TAFA5: variants seen among roughly 807,000 people sequenced by gnomAD.
The protein encoded by TAFA5 is TAFA chemokine like family member 5.
In TAFA5, 6 loss-of-function variants were observed where a neutral mutation model predicts 15.3. The ratio of observed to expected loss-of-function variants is 0.39; its 90% CI spans 0.21 to 0.77. The LOEUF (loss-of-function observed/expected upper bound fraction) is 0.77, where lower values mean the gene tolerates loss of function less well. Ranked by LOEUF, TAFA5 falls within the 30% of genes least tolerant of loss-of-function variation. TAFA5 has a pLI of 0.41. For synonymous variants in TAFA5, 103 were observed against 80.7 expected, an observed-to-expected ratio of 1.28 and a Z score of -1.48; for missense variants, 161 against 193.1, an observed-to-expected ratio of 0.83 and a Z score of 0.98.
intron 1 of TAFA5, among the ~76,000 whole-genome samples, 174 bp from the exon 2 acceptor site, chr22:48,646,423 C>T (rs1409733528): frequency 2.6e-5 from 4 of 152,220 alleles, no homozygotes; most frequent in Non-Finnish European, 4.4e-5. Flanking sequence ...TTCCATCGAG[C>T]GCTCCTTGCT....
intron 2 of TAFA5, among the ~76,000 whole-genome samples, chr22:48,667,660 C>T (rs1330633188): frequency 6.6e-6 from 1 of 152,178 alleles, no homozygotes; most frequent in South Asian, 2.1e-4. Flanking sequence ...TCTGACTCCC[C>T]TGGCAAAAAT....
At chr22:48,545,922 G>C (rs1451439118) in intron 1 of TAFA5, among the ~76,000 whole-genome samples, 1 of 152,130 alleles carries the variant, frequency 6.6e-6, no homozygotes, top group East Asian at 1.9e-4. Context: ...AACTTGGCTG[G>C]GTTCTGCCAC....
intron 1 of TAFA5, among the ~76,000 whole-genome samples, chr22:48,532,593 CTA>C (rs1922011495): frequency 6.6e-6 from 1 of 152,320 alleles, no homozygotes; most frequent in East Asian, 1.9e-4. Flanking sequence ...GCTGCAGACA[CTA>C]TAGTCACGTC....
chr22:48,683,873 G>A (rs752626783), intron 2 of TAFA5, among the ~76,000 whole-genome samples: 1 of 152,118 alleles, frequency 6.6e-6, no homozygotes, highest in Non-Finnish European at 1.5e-5. Context: ...GCTTAAAAGT[G>A]TAGCCCCTCC....
At chr22:48,738,284 A>G (rs2147271791) in intron 3 of TAFA5, among the ~76,000 whole-genome samples, 1 of 152,332 alleles carries the variant, frequency 6.6e-6, no homozygotes, top group East Asian at 1.9e-4. Context: ...TATAGCTCTC[A>G]GCAGTGAAAC....
At chr22:48,643,325 G>A (rs1012012124) in intron 1 of TAFA5, among the ~76,000 whole-genome samples, 6 of 152,236 alleles carry the variant, frequency 3.9e-5, no homozygotes, top group African/African-American at 1.4e-4. Context: ...TGGCCGCAGG[G>A]CAGAGGTGTA....
intron 2 of TAFA5, among the ~76,000 whole-genome samples, chr22:48,691,574 G>T (rs1016060703): frequency 6.6e-6 from 1 of 152,206 alleles, no homozygotes; most frequent in East Asian, 1.9e-4. Context: ...CAGTCGCAGT[G>T]GCATGGCTGG....
intron 3 of TAFA5, among the ~76,000 whole-genome samples, chr22:48,710,168 G>T (rs762260385): frequency 3.3e-5 from 5 of 152,108 alleles, no homozygotes; most frequent in Non-Finnish European, 5.9e-5. Flanking sequence ...CTCCTGCCCA[G>T]GGTTACCGTG....
intron 1 of TAFA5, among the ~76,000 whole-genome samples, chr22:48,507,214 CAGTTGGAGGAGAAGGAGACAGTCAT>C (rs1921027191): frequency 1.7e-5 from 2 of 116,774 alleles, no homozygotes; most frequent in Admixed American, 7.9e-5. Context: ...GCCAGGTGTG[CAGTTGGAGGAGAAGGAGACAGTCAT>C]CAAGGGCCAG....
chr22:48,750,249 C>G lies in TAFA5; in HGVS notation c.*402C>G, dbSNP rs541732153. 1 of 279,996 alleles carries G rather than the reference C, an allele frequency of 3.6e-6. No individual in the cohort carries two copies. The highest frequency in any genetic ancestry group is 2.2e-5 in the African/African-American group (1 of 45,316). 17.3% of individuals were successfully genotyped at this position (279,996 alleles called of 1,614,324 possible). A position where few individuals can be genotyped will look rare whatever the true frequency, so the allele number is the denominator to read the frequency against. ...GCCTGCCCCAGGGGACTGTCAGGCA[C>G]AGAAGCGGCCTCCTCCCGTGCCCCA... On this transcript the variant is annotated 3_prime_UTR_variant, in exon 4 of 4. Transcript: ENST00000402357.
intron 1 of TAFA5, among the ~76,000 whole-genome samples, chr22:48,535,906 T>C (rs1193448082): frequency 9.9e-5 from 15 of 152,162 alleles, no homozygotes; most frequent in Admixed American, 9.8e-4. Flanking sequence ...GCTGTGTGGG[T>C]ATATGCATAT....
At chr22:48,671,871 C>T (rs763399423) in intron 2 of TAFA5, among the ~76,000 whole-genome samples, 13 of 152,154 alleles carry the variant, frequency 8.5e-5, no homozygotes, top group South Asian at 2.1e-4. Flanking sequence ...TGCATGTTTC[C>T]GAGACCCAAA....
chr22:48,735,062 A>C (rs746187191), intron 3 of TAFA5, among the ~76,000 whole-genome samples: 18 of 152,194 alleles, frequency 1.2e-4, no homozygotes, highest in Non-Finnish European at 1.9e-4. Context: ...GCACCTAGGC[A>C]CTCAGGTAGA....
At position 48,707,703 on chromosome 22, in the gene TAFA5, C is replaced by T; in HGVS notation, c.263-14C>T. On this transcript the variant is annotated splice_polypyrimidine_tract_variant and intron_variant, in intron 2 of 3. Transcript: ENST00000402357. ...AGAGTAGCACGCTGATTGCCTCTCTCTTTTCTCCCACAGCAAGAATCATCA... is the reference window on the plus strand; with the variant it reads ...AGAGTAGCACGCTGATTGCCTCTCTTTTTTCTCCCACAGCAAGAATCATCA... The T allele has an allele frequency of 6.2e-7, 1 of 1,613,586 alleles. No individual in the cohort carries two copies. Among genetic ancestry groups the T allele is most frequent in the South Asian group, 1.1e-5 (1 of 91,042 alleles).
At chr22:48,605,402 ATGG>A (rs1925150009) in intron 1 of TAFA5, among the ~76,000 whole-genome samples, 1 of 150,926 alleles carries the variant, frequency 6.6e-6, no homozygotes, top group African/African-American at 2.4e-5. Context: ...AATGGTAATG[ATGG>A]TGGTGATGGT....
intron 2 of TAFA5, among the ~76,000 whole-genome samples, chr22:48,697,700 TTGA>T (rs758045584): frequency 5.3e-5 from 8 of 151,306 alleles, no homozygotes; most frequent in Non-Finnish European, 1.0e-4. Flanking sequence ...ATGATTACAA[TTGA>T]TGATGATGTT....
intron 3 of TAFA5, among the ~76,000 whole-genome samples, chr22:48,740,789 C>T (rs529854450): frequency 1.2e-4 from 19 of 152,252 alleles, no homozygotes; most frequent in Admixed American, 3.3e-4. Context: ...CTGCAGGCAC[C>T]GTGCTGAGGA....
intron 1 of TAFA5, among the ~76,000 whole-genome samples, chr22:48,493,775 A>T (rs556664051): frequency 3.3e-5 from 5 of 152,208 alleles, no homozygotes; most frequent in African/African-American, 1.2e-4. Context: ...GTCCCCTCAC[A>T]GGATTTTCCC....
chr22:48,585,268 C>T (rs1246757435), intron 1 of TAFA5, among the ~76,000 whole-genome samples: 2 of 151,242 alleles, frequency 1.3e-5, no homozygotes, highest in African/African-American at 2.4e-5. Context: ...GATAATATAC[C>T]ACCTAACCAC....
Sources: gnomAD v4.1 joint callset for allele counts (sites outside exome capture counted in the v4.1 genomes callset) on GRCh38, gnomAD v4.1.1 for gene constraint, MANE v1.5 for transcripts, NCBI Gene and HGNC (gene_info 2026-07-23, HGNC 2026-07-21) for gene names.